The following ITSN2 variants were observed in gnomAD, a reference collection of about 807,000 sequenced individuals.
The protein encoded by ITSN2 is intersectin 2.
ITSN2 carries 156 observed loss-of-function variants against 243.7 expected under a neutral mutation model. The observed-to-expected ratio is 0.64, with a 90% CI of 0.56 to 0.73. The LOEUF is 0.73. Among genes scored for constraint, ITSN2 ranks in the 30% least tolerant of loss-of-function variants. The probability of loss-of-function intolerance (pLI) is 0.00; values close to 1 mark genes in which losing one functional copy is unlikely to be tolerated. For missense variants in ITSN2, 1,801 were observed against 1,996.1 expected (o/e 0.90, Z 1.86); for synonymous variants, 703 against 699.9 (o/e 1.00, Z -0.07).
At chr2:24,345,198 AG>A (rs1687411951) in intron 1 of ITSN2, among the ~76,000 whole-genome samples, 1 of 152,188 alleles carries the variant, frequency 6.6e-6, no homozygotes, top group South Asian at 2.1e-4. Context: ...TGTATGGGAT[AG>A]TGTGGTTCTA....
At chr2:24,286,434 T>G in intron 15 of ITSN2, 83 bp from the exon 16 acceptor site, 1 of 1,161,204 alleles carries the variant, frequency 8.6e-7, no homozygotes, top group Non-Finnish European at 1.3e-6. Context: ...TTGGTCAGAT[T>G]GATGTAACTA....
intron 29 of ITSN2, among the ~76,000 whole-genome samples, chr2:24,223,545 C>A (rs541162767): frequency 1.3e-5 from 2 of 151,430 alleles, no homozygotes; most frequent in South Asian, 2.1e-4. Context: ...ATTAGCCAGG[C>A]GTGGTGGCAT....
rs766820674 is a variant in ITSN2, at chr2:24,308,648, A to T, written c.762T>A (p.Thr254=). 1 of 1,527,798 alleles carries T rather than the reference A, an allele frequency of 6.5e-7. No homozygotes were observed. Among genetic ancestry groups the T allele is most frequent in the East Asian group, 2.4e-5 (1 of 42,024 alleles). The allele number at this position is 1,527,798 out of a possible 1,614,324, so 94.6% of individuals were successfully genotyped here. Reference sequence around the variant, plus strand: ...GATATCCACTCATACTTTTGTCAAGAGTATTAAATTTTTGCCGATATTTTA... The same window carrying T: ...GATATCCACTCATACTTTTGTCAAGTGTATTAAATTTTTGCCGATATTTTA... ...TRLKYRQKFN[T]LDKSMSGYLS... The change falls in exon 8 of 40, where the codon ACT becomes ACA. Residue 254 remains threonine (T), a synonymous_variant. Transcript: ENST00000355123.
rs1350116743 is a variant in ITSN2, at chr2:24,252,489, A to G, written c.2976T>C (p.Tyr992=). The stretch of plus-strand genomic sequence containing the variant: ...TCAAATCTCCAGGTTCCACACTTGA[A>G]TATGGATAAAGTGCAATATATTCTG... ...VGEEYIALYP[Y]SSVEPGDLTF... The change falls in exon 25 of 40, where the codon TAT becomes TAC. Residue 992 remains tyrosine, a synonymous_variant. Transcript: ENST00000355123. 2 of 1,612,054 alleles carry G rather than the reference A, an allele frequency of 1.2e-6. No individual in the cohort carries two copies. The highest frequency in any genetic ancestry group is 8.5e-7 in the Non-Finnish European group (1 of 1,178,456).
At chr2:24,244,796 CCCATCT>C (rs979394191) in intron 29 of ITSN2, among the ~76,000 whole-genome samples, 6 of 152,172 alleles carry the variant, frequency 3.9e-5, no homozygotes, top group African/African-American at 1.4e-4. Flanking sequence ...CTGGATTCCT[CCCATCT>C]CCAAGTTGGG....
chr2:24,209,174 G>C lies in ITSN2; in HGVS notation c.4521C>G (p.Ser1507=). The C allele has an allele frequency of 1.9e-6, 3 of 1,614,018 alleles. No individual in the cohort carries two copies. Among genetic ancestry groups the C allele is most frequent in the Non-Finnish European group, 2.5e-6 (3 of 1,179,884 alleles). ...AAATGTGGAAGACAGGCTCATCGCT[G>C]GAAGGGTCTGTGGGCAGTTTCACCA... The part of the protein sequence containing the change: ...EVLVKLPTDP[S]SDEPVFHISH... Residue 1507 remains serine, a synonymous_variant, in exon 36 of 40, where the codon TCC becomes TCG. Transcript: ENST00000355123.
chr2:24,303,902 T>C (rs370932658), intron 8 of ITSN2, 40 bp from the exon 9 acceptor site: 203 of 1,332,742 alleles, frequency 1.5e-4, no homozygotes, highest in Non-Finnish European at 2.1e-4. Context: ...TTCTTTAGCA[T>C]CTTTAAAGTT....
intron 1 of ITSN2, among the ~76,000 whole-genome samples, chr2:24,345,054 A>C (rs1340828098): frequency 6.6e-6 from 1 of 152,208 alleles, no homozygotes; most frequent in Non-Finnish European, 1.5e-5. Flanking sequence ...GATCAGTATA[A>C]AAATTCTTAT....
At chr2:24,209,286 CA>C (rs1669241902) in intron 35 of ITSN2, 65 bp from the exon 36 acceptor site, 3 of 1,594,884 alleles carry the variant, frequency 1.9e-6, no homozygotes, top group South Asian at 2.2e-5. Context: ...CGCCTATGTC[CA>C]GAGAGAGTTC....
Position 24,246,281 on chromosome 2 carries a change from T to C in ITSN2, c.3425A>G (p.Asn1142Ser), listed in dbSNP as rs1225739810. Reference sequence around the variant, plus strand: ...CTTGGAGAAACTGAGCTCATCTTCATTATTTGCTGCATAGTCATACATAGC... The same window carrying C: ...CTTGGAGAAACTGAGCTCATCTTCACTATTTGCTGCATAGTCATACATAGC... ...VIAMYDYAAN[N>S]EDELSFSKGQ... The change falls in exon 29 of 40, where the codon AAT (asparagine) becomes AGT (serine). Residue 1142 changes from asparagine to serine, a missense_variant. This residue lies in a region of ITSN2 where 928 missense variants were observed against 1,065.4 expected (regional missense o/e 0.87). Coordinates refer to ENST00000355123, the MANE Select transcript of ITSN2 (RefSeq NM_006277.3). 1.9e-6 allele frequency: 3 copies of C among 1,612,510 alleles called. No homozygotes were observed. The highest frequency in any genetic ancestry group is 1.7e-5 in the Admixed American group (1 of 59,954).
chr2:24,221,234 G>A (rs1670423386), intron 29 of ITSN2, 168 bp from the exon 30 acceptor site: 2 of 629,088 alleles, frequency 3.2e-6, no homozygotes, highest in African/African-American at 3.8e-5. Flanking sequence ...GCGGAGAGTT[G>A]GCATTAATGA....
At chr2:24,289,682 C>G (rs1410881481) in intron 15 of ITSN2, among the ~76,000 whole-genome samples, 1 of 152,234 alleles carries the variant, frequency 6.6e-6, no homozygotes. Flanking sequence ...CATACCAGAT[C>G]TTAGATCAAG....
At chr2:24,275,345 C>T (rs1323042333) in intron 18 of ITSN2, among the ~76,000 whole-genome samples, 5 of 152,218 alleles carry the variant, frequency 3.3e-5, no homozygotes, top group African/African-American at 7.2e-5. Flanking sequence ...TGTGTCACCA[C>T]GCCCAGTTCC....
intron 1 of ITSN2, among the ~76,000 whole-genome samples, chr2:24,357,479 G>A (rs1327224301): frequency 6.6e-6 from 1 of 152,110 alleles, no homozygotes; most frequent in African/African-American, 2.4e-5. Flanking sequence ...TGTTGTGGGG[G>A]GGCAATGAGG....
At chr2:24,251,232 C>T (rs542346225) in intron 25 of ITSN2, among the ~76,000 whole-genome samples, 5 of 143,706 alleles carry the variant, frequency 3.5e-5, no homozygotes, top group South Asian at 4.5e-4. Flanking sequence ...GGCTAAGGCA[C>T]GAGAATTGCT....
chr2:24,355,704 AT>A lies in ITSN2; in HGVS notation c.-34+4599del, dbSNP rs796749354. ...CTTCATGACAAAAATGCCAAAAGCAATTGCAACAAAAGCCAAAATTGACAAA... is the reference window on the plus strand; with the variant it reads ...CTTCATGACAAAAATGCCAAAAGCAATGCAACAAAAGCCAAAATTGACAAA... On this transcript the variant is annotated intron_variant, in intron 1 of 39. Transcript: ENST00000355123. Among the ~76,000 whole-genome samples, 9 of 152,374 alleles carry A rather than the reference AT, an allele frequency of 5.9e-5. 1 individual carries two copies. The highest frequency in any genetic ancestry group is 2.2e-4 in the African/African-American group (9 of 41,594).
intron 1 of ITSN2, among the ~76,000 whole-genome samples, chr2:24,334,016 A>C (rs889131705): frequency 6.6e-6 from 1 of 152,004 alleles, no homozygotes; most frequent in African/African-American, 2.4e-5. Flanking sequence ...CAGCCTCTTA[A>C]GTAGCGGGGA....
chr2:24,266,021 T>C (rs1210298793), intron 20 of ITSN2, among the ~76,000 whole-genome samples: 2 of 152,198 alleles, frequency 1.3e-5, no homozygotes, highest in Admixed American at 1.3e-4. Flanking sequence ...CTCTAGGGTA[T>C]CTTTCAGAAT....
rs1330768268 is a variant in ITSN2 at position 24,205,314 on chromosome 2, C to CAAGT, written c.4679-21_4679-18dup. 6.2e-7 allele frequency: 1 copy of CAAGT among 1,605,392 alleles called. No homozygotes were observed. Among genetic ancestry groups the CAAGT allele is most frequent in the Admixed American group, 1.7e-5 (1 of 60,006 alleles). ...GGGAGCGGGCTACAAAAGAGGAAGA[C>CAAGT]AAGTCTCATTAATCTCTTCTCCAAG... On this transcript the variant is annotated splice_polypyrimidine_tract_variant and intron_variant, in intron 37 of 39. Transcript: ENST00000355123.
Sources: gnomAD v4.1 joint callset for allele counts (sites outside exome capture counted in the v4.1 genomes callset) on GRCh38, gnomAD v4.1.1 for gene constraint, gnomAD v4.1.1 regional missense constraint, MANE v1.5 for transcripts, NCBI Gene and HGNC (gene_info 2026-07-23, HGNC 2026-07-21) for gene names.